The following DCC variants were observed in gnomAD, a reference collection of about 807,000 sequenced individuals.
DCC encodes the protein netrin receptor DCC.
A neutral mutation model predicts 172.5 loss-of-function variants in DCC; 58 were observed. That is an observed-to-expected ratio of 0.34 (90% CI 0.27 to 0.42). The LOEUF (loss-of-function observed/expected upper bound fraction) is 0.42, where lower values mean the gene tolerates loss of function less well. Among genes scored for constraint, DCC ranks in the 10% least tolerant of loss-of-function variants. DCC has a pLI of 1.00. For missense variants in DCC, 1,740 were observed against 1,791.0 expected, an observed-to-expected ratio of 0.97 and a Z score of 0.51; for synonymous variants, 709 against 644.5, an observed-to-expected ratio of 1.10 and a Z score of -1.52.
At chr18:52,946,403 T>G (rs932196375) in intron 5 of DCC, among the ~76,000 whole-genome samples, 1 of 152,258 alleles carries the variant, frequency 6.6e-6, no homozygotes, top group African/African-American at 2.4e-5. Context: ...CCTTCTGTAC[T>G]ACGTAGGTAT....
intron 2 of DCC, among the ~76,000 whole-genome samples, chr18:52,821,386 A>G (rs1359870527): frequency 6.6e-6 from 1 of 152,226 alleles, no homozygotes; most frequent in Admixed American, 6.5e-5. Flanking sequence ...CAGCCTAAAA[A>G]CATTGTAATA....
chr18:53,245,441 A>G (rs1463681313), intron 12 of DCC, among the ~76,000 whole-genome samples: 1 of 152,148 alleles, frequency 6.6e-6, no homozygotes, highest in Non-Finnish European at 1.5e-5. Flanking sequence ...CCTGCCCTAC[A>G]GAGTTTTTAT....
intron 1 of DCC, among the ~76,000 whole-genome samples, chr18:52,460,791 C>A (rs1988606402): frequency 6.6e-6 from 1 of 151,966 alleles, no homozygotes; most frequent in African/African-American, 2.4e-5. Context: ...TAAAAGATTA[C>A]TAATGGAAGA....
At chr18:52,891,160 G>A (rs545884790) in intron 2 of DCC, among the ~76,000 whole-genome samples, 1 of 151,958 alleles carries the variant, frequency 6.6e-6, no homozygotes, top group Non-Finnish European at 1.5e-5. Context: ...GTAATATTGG[G>A]GTTTTCATTG....
chr18:53,276,411 C>T (rs531363101), intron 12 of DCC, among the ~76,000 whole-genome samples: 1 of 152,300 alleles, frequency 6.6e-6, no homozygotes, highest in South Asian at 2.1e-4. Flanking sequence ...AGTTCTCATT[C>T]CATTGTTCTT....
intron 1 of DCC, among the ~76,000 whole-genome samples, chr18:52,667,675 C>G (rs988909673): frequency 6.6e-6 from 1 of 152,202 alleles, no homozygotes; most frequent in Non-Finnish European, 1.5e-5. Flanking sequence ...TGCATAACAG[C>G]CCCTGGCTTT....
At chr18:52,466,278 A>G (rs1338800176) in intron 1 of DCC, among the ~76,000 whole-genome samples, 1 of 152,206 alleles carries the variant, frequency 6.6e-6, no homozygotes, top group Non-Finnish European at 1.5e-5. Flanking sequence ...AAATATGTCC[A>G]TGGTGGGTCT....
At position 52,797,962 on chromosome 18, in the gene DCC, G is replaced by A. The variant is rs182787434; in HGVS notation, c.412+45588G>A. On this transcript the variant is annotated intron_variant, in intron 2 of 28. Transcript: ENST00000442544. ...CCTGTTCTCAGGCACCACTGGTGGT[G>A]GTGGGTGCACTGGACCTGTTAGACC... Among the ~76,000 whole-genome samples, 546 of 152,164 alleles carry A rather than the reference G, an allele frequency of 3.6e-3. 1 individual carries two copies. Among genetic ancestry groups the A allele is most frequent in the Non-Finnish European group, 4.7e-3 (320 of 67,996 alleles).
intron 5 of DCC, among the ~76,000 whole-genome samples, chr18:52,938,617 A>G (rs2145517618): frequency 6.6e-6 from 1 of 152,272 alleles, no homozygotes; most frequent in South Asian, 2.1e-4. Context: ...ATAAGCATTC[A>G]CAATTAAGTT....
intron 25 of DCC, among the ~76,000 whole-genome samples, chr18:53,477,274 G>T (rs1221615825): frequency 6.6e-6 from 1 of 152,166 alleles, no homozygotes. Flanking sequence ...CTCCCAAAGT[G>T]TTGGGAGTAC....
chr18:52,436,986 G>T (rs928063251), intron 1 of DCC, among the ~76,000 whole-genome samples: 6 of 152,158 alleles, frequency 3.9e-5, no homozygotes, highest in Non-Finnish European at 7.4e-5. Context: ...CCATTTTATA[G>T]ATGGAGAAAC....
At chr18:52,920,185 A>C (rs12454157) in intron 3 of DCC, among the ~76,000 whole-genome samples, 40,021 of 151,926 alleles carry the variant, frequency 0.26, 5,480 homozygotes, top group Admixed American at 0.33. Flanking sequence ...TAACGTCTAA[A>C]TAATCATGAA....
intron 1 of DCC, among the ~76,000 whole-genome samples, chr18:52,450,004 C>G (rs570163494): frequency 6.6e-6 from 1 of 152,276 alleles, no homozygotes; most frequent in East Asian, 1.9e-4. Flanking sequence ...CTAATACATA[C>G]TCTGATATTA....
chr18:53,315,773 A>G (rs2057336459), intron 13 of DCC, among the ~76,000 whole-genome samples: 1 of 151,108 alleles, frequency 6.6e-6, no homozygotes, highest in Non-Finnish European at 1.5e-5. Flanking sequence ...TTGTAGTAGT[A>G]TTGTCTGTTC....
chr18:53,434,004 C>T (rs763786380), intron 21 of DCC, among the ~76,000 whole-genome samples: 5 of 152,112 alleles, frequency 3.3e-5, no homozygotes, highest in Non-Finnish European at 7.4e-5. Context: ...TAACAGGATT[C>T]TAAGTTGTTT....
Position 53,486,813 on chromosome 18 carries a change from C to G in DCC, c.3753C>G (p.Ile1251Met), listed in dbSNP as rs1191533869. The G allele has an allele frequency of 6.2e-7, 1 of 1,614,124 alleles. No homozygotes were observed. The highest frequency in any genetic ancestry group is 8.5e-7 in the Non-Finnish European group (1 of 1,180,026). ...CTTTTGCAGCTGTCGTGAGCGCCAT[C>G]CCGGTGCCAACGCTAGAAAGTGCCC... ...QSNNPAVVSA[I>M]PVPTLESAQY... is the part of the protein sequence containing the mutation. Residue 1251 changes from isoleucine to methionine, a missense_variant, in exon 26 of 29, where the codon ATC becomes ATG. Ile to Met is a conservative substitution (Grantham distance 10). Around this residue, in one of 2 missense-constraint regions of DCC, gnomAD observed 1,732 missense variants for 1,767.4 expected, o/e 0.98. Transcript: ENST00000442544.
At chr18:52,807,881 A>G (rs929518503) in intron 2 of DCC, among the ~76,000 whole-genome samples, 1 of 152,118 alleles carries the variant, frequency 6.6e-6, no homozygotes, top group Admixed American at 6.5e-5. Flanking sequence ...TCATCTCTCA[A>G]TCTCTCCTGG....
chr18:53,312,821 A>AG (rs1312422428), intron 13 of DCC, among the ~76,000 whole-genome samples: 1 of 148,938 alleles, frequency 6.7e-6, no homozygotes, highest in Non-Finnish European at 1.5e-5. Flanking sequence ...AAAAAAAAAA[A>AG]AAAAGCTTTT....
At chr18:53,184,601 G>T (rs1284129001) in intron 9 of DCC, among the ~76,000 whole-genome samples, 2 of 152,106 alleles carry the variant, frequency 1.3e-5, no homozygotes, top group Non-Finnish European at 2.9e-5. Flanking sequence ...TAACACAGTG[G>T]TATATGTTTG....
Sources: gnomAD v4.1 joint callset for allele counts (sites outside exome capture counted in the v4.1 genomes callset) on GRCh38, gnomAD v4.1.1 for gene constraint, gnomAD v4.1.1 regional missense constraint, MANE v1.5 for transcripts, NCBI Gene and HGNC (gene_info 2026-07-23, HGNC 2026-07-21) for gene names.